Variants in WDFY2 observed in about 807,000 individuals in gnomAD.
The protein encoded by WDFY2 is WD repeat and FYVE domain containing 2.
Under a neutral mutation model 56.4 loss-of-function variants are expected in WDFY2, and 36 were observed. The ratio of observed to expected loss-of-function variants is 0.64; its 90% CI spans 0.49 to 0.84. The LOEUF is 0.84. Ranked by LOEUF, WDFY2 falls within the 40% of genes least tolerant of loss-of-function variation. The pLI is 0.00. For missense variants in WDFY2, 444 were observed against 512.2 expected, an observed-to-expected ratio of 0.87 and a Z score of 1.29; for synonymous variants, 176 against 183.7, an observed-to-expected ratio of 0.96 and a Z score of 0.34.
At chr13:51,749,792 G>C (rs1318512456) in intron 7 of WDFY2, among the ~76,000 whole-genome samples, 1 of 152,020 alleles carries the variant, frequency 6.6e-6, no homozygotes. Flanking sequence ...ATTAGCTCAG[G>C]TTAACATTAG....
chr13:51,714,975 CAT>C (rs981804995), intron 4 of WDFY2, among the ~76,000 whole-genome samples: 35 of 152,112 alleles, frequency 2.3e-4, no homozygotes, highest in Admixed American at 6.5e-5. Flanking sequence ...TTACAATAAA[CAT>C]ATCTAAAAAT....
chr13:51,603,465 T>C (rs887293894), intron 1 of WDFY2, among the ~76,000 whole-genome samples: 1 of 152,162 alleles, frequency 6.6e-6, no homozygotes, highest in Non-Finnish European at 1.5e-5. Context: ...AGGCACCTCT[T>C]TGGGGATACT....
chr13:51,675,349 A>C, intron 3 of WDFY2, 106 bp downstream of exon 3: 2 of 1,075,784 alleles, frequency 1.9e-6, no homozygotes, highest in South Asian at 1.5e-5. Context: ...TTTCTTGCTA[A>C]GTAGAATGAA....
intron 7 of WDFY2, among the ~76,000 whole-genome samples, chr13:51,746,476 G>T (rs1953107539): frequency 6.6e-6 from 1 of 152,202 alleles, no homozygotes; most frequent in African/African-American, 2.4e-5. Flanking sequence ...TTGGCTGTAT[G>T]AGTTCTTAAA....
intron 1 of WDFY2, among the ~76,000 whole-genome samples, chr13:51,650,913 A>T (rs1411921902): frequency 6.6e-6 from 1 of 152,178 alleles, no homozygotes; most frequent in African/African-American, 2.4e-5. Context: ...TGGTATCAGG[A>T]TGATGCTGGC....
At chr13:51,634,214 G>A (rs919636863) in intron 1 of WDFY2, among the ~76,000 whole-genome samples, 4 of 151,778 alleles carry the variant, frequency 2.6e-5, no homozygotes, top group Non-Finnish European at 5.9e-5. Context: ...ATTATTACAG[G>A]GCTTTAACAA....
chr13:51,740,079 C>G (rs1206669350), intron 7 of WDFY2, among the ~76,000 whole-genome samples: 1 of 152,186 alleles, frequency 6.6e-6, no homozygotes, highest in Non-Finnish European at 1.5e-5. Context: ...CTAGCTTTTC[C>G]TGTAAATCTG....
chr13:51,620,990 A>G (rs1453354082), intron 1 of WDFY2, among the ~76,000 whole-genome samples: 2 of 152,132 alleles, frequency 1.3e-5, no homozygotes, highest in Non-Finnish European at 2.9e-5. Flanking sequence ...CACACAATAT[A>G]TAAAACTCTG....
intron 4 of WDFY2, among the ~76,000 whole-genome samples, chr13:51,710,833 G>T (rs1332068965): frequency 6.6e-6 from 1 of 152,184 alleles, no homozygotes; most frequent in Admixed American, 6.5e-5. Flanking sequence ...TGGGTAGGAA[G>T]AATCAATATC....
chr13:51,643,077 GTAAAATA>G (rs1955202248), intron 1 of WDFY2, among the ~76,000 whole-genome samples: 1 of 151,888 alleles, frequency 6.6e-6, no homozygotes, highest in Non-Finnish European at 1.5e-5. Flanking sequence ...TTTTTAAATT[GTAAAATA>G]TATATAACAT....
At chr13:51,661,448 T>C (rs1463268124) in intron 2 of WDFY2, among the ~76,000 whole-genome samples, 1 of 152,192 alleles carries the variant, frequency 6.6e-6, no homozygotes, top group African/African-American at 2.4e-5. Context: ...AAATTGACAT[T>C]GTAGAAAAAT....
intron 2 of WDFY2, among the ~76,000 whole-genome samples, chr13:51,673,731 G>C (rs534632132): frequency 4.6e-5 from 7 of 152,152 alleles, no homozygotes; most frequent in African/African-American, 1.7e-4. Flanking sequence ...CTGGTCAAGG[G>C]CAATAAAACT....
At chr13:51,655,069 ATTAAT>A (rs1427834857) in intron 1 of WDFY2, among the ~76,000 whole-genome samples, 20 of 152,104 alleles carry the variant, frequency 1.3e-4, no homozygotes, top group African/African-American at 4.8e-4. Flanking sequence ...ACTTGGCTTA[ATTAAT>A]TTAATTAGCT....
At chr13:51,636,981 T>C (rs1217979394) in intron 1 of WDFY2, among the ~76,000 whole-genome samples, 2 of 152,206 alleles carry the variant, frequency 1.3e-5, no homozygotes, top group Non-Finnish European at 2.9e-5. Flanking sequence ...CCTCAAATTA[T>C]AAAACTTCTA....
At chr13:51,618,897 G>T (rs1389418263) in intron 1 of WDFY2, among the ~76,000 whole-genome samples, 1 of 152,188 alleles carries the variant, frequency 6.6e-6, no homozygotes, top group Non-Finnish European at 1.5e-5. Context: ...GAGAGAATGG[G>T]CAGTACCACA....
chr13:51,631,474 G>A (rs1954951745), intron 1 of WDFY2, among the ~76,000 whole-genome samples: 1 of 151,608 alleles, frequency 6.6e-6, no homozygotes, highest in African/African-American at 2.4e-5. Context: ...TGTTCTTCTT[G>A]TGGGTAATTA....
At chr13:51,679,214 A>G (rs951416819) in intron 3 of WDFY2, among the ~76,000 whole-genome samples, 1 of 152,202 alleles carries the variant, frequency 6.6e-6, no homozygotes, top group Non-Finnish European at 1.5e-5. Flanking sequence ...TTGACTGGTG[A>G]GGAAATGTCA....
intron 4 of WDFY2, among the ~76,000 whole-genome samples, chr13:51,710,914 T>C (rs1200825276): frequency 1.3e-5 from 2 of 152,150 alleles, no homozygotes; most frequent in African/African-American, 2.4e-5. Context: ...CCAATGACTT[T>C]CTTCACAGAA....
intron 4 of WDFY2, among the ~76,000 whole-genome samples, chr13:51,705,072 A>C (rs1239496932): frequency 6.6e-6 from 1 of 152,218 alleles, no homozygotes; most frequent in African/African-American, 2.4e-5. Context: ...CTCTGATGAA[A>C]GCCAGCTGCC....
Sources: allele counts gnomAD v4.1 joint callset (sites outside exome capture counted in the v4.1 genomes callset), GRCh38; gene constraint gnomAD v4.1.1; transcripts MANE v1.5; gene names NCBI Gene and HGNC (gene_info 2026-07-23, HGNC 2026-07-21).